The following ARHGAP12 variants were observed in gnomAD, a reference collection of about 807,000 sequenced individuals.
ARHGAP12 encodes the protein rho GTPase-activating protein 12.
Under a neutral mutation model 108.6 loss-of-function variants are expected in ARHGAP12, and 64 were observed. That is an observed-to-expected ratio of 0.59 (90% confidence interval 0.48 to 0.73). ARHGAP12 has a LOEUF of 0.73. Among genes scored for constraint, ARHGAP12 ranks in the 30% least tolerant of loss-of-function variants. The pLI is 0.00. For missense variants in ARHGAP12, 940 were observed against 1,005.9 expected, an observed-to-expected ratio of 0.93 and a Z score of 0.89; for synonymous variants, 312 against 337.2, an observed-to-expected ratio of 0.93 and a Z score of 0.82.
intron 4 of ARHGAP12, among the ~76,000 whole-genome samples, chr10:31,854,471 A>T (rs1836813241): frequency 6.6e-6 from 1 of 152,190 alleles, no homozygotes; most frequent in South Asian, 2.1e-4. Flanking sequence ...TTTCAGACCA[A>T]GGAGAGCTCG....
Position 31,820,382 on chromosome 10 carries a change from A to T in ARHGAP12, c.1632+5T>A. ...ATGTGTTATACTTAGAAAAAAATGT[A>T]TTACCTCAAATACATTCTTTTTGCT... On this transcript the variant is annotated splice_donor_5th_base_variant and intron_variant, in intron 12 of 19. Transcript: ENST00000344936. 6.3e-7 allele frequency: 1 copy of T among 1,596,094 alleles called. No individual in the cohort carries two copies. Among genetic ancestry groups the T allele is most frequent in the Non-Finnish European group, 8.5e-7 (1 of 1,171,768 alleles).
At chr10:31,842,581 T>TAC (rs1836309962) in intron 7 of ARHGAP12, among the ~76,000 whole-genome samples, 1 of 152,090 alleles carries the variant, frequency 6.6e-6, no homozygotes, top group Middle Eastern at 3.2e-3. Context: ...TAACTTGTAG[T>TAC]ACCAAAATAT....
intron 7 of ARHGAP12, among the ~76,000 whole-genome samples, chr10:31,840,967 C>T (rs965419849): frequency 6.6e-6 from 1 of 151,880 alleles, no homozygotes; most frequent in Non-Finnish European, 1.5e-5. Context: ...TTTTTGATTC[C>T]TAAGACTGTC....
intron 3 of ARHGAP12, among the ~76,000 whole-genome samples, chr10:31,875,410 T>TA (rs1026393501): frequency 3.3e-5 from 5 of 152,184 alleles, no homozygotes; most frequent in African/African-American, 1.2e-4. Context: ...ATGAAGTCAC[T>TA]AAGCTTAGAA....
intron 13 of ARHGAP12, among the ~76,000 whole-genome samples, chr10:31,817,553 C>T (rs1390852336): frequency 1.3e-5 from 2 of 152,092 alleles, no homozygotes; most frequent in Non-Finnish European, 2.9e-5. Flanking sequence ...CAGCCAATGC[C>T]TGATGTGAAC....
intron 3 of ARHGAP12, among the ~76,000 whole-genome samples, chr10:31,894,234 G>A (rs1399334667): frequency 6.6e-6 from 1 of 152,170 alleles, no homozygotes; most frequent in Non-Finnish European, 1.5e-5. Context: ...CATAGTGTTG[G>A]AAGTTCTAGC....
chr10:31,881,234 A>G (rs560834774), intron 3 of ARHGAP12, among the ~76,000 whole-genome samples: 1 of 152,292 alleles, frequency 6.6e-6, no homozygotes, highest in Non-Finnish European at 1.5e-5. Context: ...ACCATCAAAT[A>G]TAATATACAT....
intron 1 of ARHGAP12, among the ~76,000 whole-genome samples, chr10:31,925,366 G>C (rs2132510436): frequency 6.6e-6 from 1 of 152,270 alleles, no homozygotes; most frequent in East Asian, 1.9e-4. Context: ...TATTTTAAAA[G>C]AGTTTTAGAT....
intron 3 of ARHGAP12, among the ~76,000 whole-genome samples, chr10:31,880,482 A>C (rs915357018): frequency 1.2e-4 from 17 of 146,832 alleles, no homozygotes; most frequent in East Asian, 4.2e-4. Flanking sequence ...ACAAAAAAAA[A>C]CACTTTTGTT....
At chr10:31,825,311 A>T (rs1486721269) in intron 11 of ARHGAP12, among the ~76,000 whole-genome samples, 1 of 152,172 alleles carries the variant, frequency 6.6e-6, no homozygotes, top group African/African-American at 2.4e-5. Flanking sequence ...TTCATCAAAC[A>T]TAAGATCCAT....
chr10:31,908,112 C>A, intron 3 of ARHGAP12, 60 bp downstream of exon 3: 1 of 1,441,440 alleles, frequency 6.9e-7, no homozygotes, highest in Non-Finnish European at 9.3e-7. Flanking sequence ...TCAATTAAAA[C>A]TATAACTAAT....
At position 31,807,350 on chromosome 10, in the gene ARHGAP12, AAATTATCC is replaced by A; in HGVS notation, c.*300_*307del. On this transcript the variant is annotated 3_prime_UTR_variant, in exon 20 of 20. Transcript: ENST00000344936. The stretch of plus-strand genomic sequence containing the variant: ...GGAAAAAAAATACAGTTTTCTTACC[AAATTATCC>A]AGTGTATATGACTGGTTAGAATTTT... 1 of 211,116 alleles carries A rather than the reference AAATTATCC, an allele frequency of 4.7e-6. No individual in the cohort carries two copies. The highest frequency in any genetic ancestry group is 9.3e-6 in the Non-Finnish European group (1 of 107,062). 13.1% of individuals were successfully genotyped at this position (211,116 alleles called of 1,614,324 possible). A position where few individuals can be genotyped will look rare whatever the true frequency, so the allele number is the denominator to read the frequency against.
chr10:31,871,611 T>C (rs1478019248), intron 3 of ARHGAP12, among the ~76,000 whole-genome samples: 2 of 152,226 alleles, frequency 1.3e-5, no homozygotes, highest in South Asian at 2.1e-4. Context: ...GTCTGACAAA[T>C]GCTTGTTTCT....
intron 1 of ARHGAP12, among the ~76,000 whole-genome samples, chr10:31,917,867 AAAG>A (rs1223940579): frequency 1.3e-5 from 2 of 152,238 alleles, no homozygotes; most frequent in Non-Finnish European, 2.9e-5. Context: ...ACATTTTTCA[AAAG>A]AAGATACAGA....
At position 31,908,393 on chromosome 10, in the gene ARHGAP12, T is replaced by C. The variant is rs757482609; in HGVS notation, c.463A>G (p.Asn155Asp). 27 of 1,614,084 alleles carry C rather than the reference T, an allele frequency of 1.7e-5. No individual in the cohort carries two copies. Among genetic ancestry groups the C allele is most frequent in the Non-Finnish European group, 2.1e-5 (25 of 1,180,030 alleles). The change falls in exon 3 of 20, where the codon AAT becomes GAT. Residue 155 changes from asparagine (N) to aspartate (D), a missense_variant. Asn to Asp is a conservative substitution (Grantham distance 23, BLOSUM62 1). Transcript: ENST00000344936. The stretch of plus-strand genomic sequence containing the variant: ...GAGTCATTGTTAAACTTTCCGTTAT[T>C]ATGGGTCAGGTCCAGGCTTAGGTTG... ...TVNLSLDLTH[N>D]NGKFNNDSHS...
chr10:31,872,937 A>C (rs913637691), intron 3 of ARHGAP12, among the ~76,000 whole-genome samples: 1 of 152,104 alleles, frequency 6.6e-6, no homozygotes, highest in African/African-American at 2.4e-5. Flanking sequence ...TTCTGAGATA[A>C]CCCGTTCCCA....
chr10:31,923,839 T>C (rs894477129), intron 1 of ARHGAP12, among the ~76,000 whole-genome samples: 2 of 152,178 alleles, frequency 1.3e-5, no homozygotes, highest in Non-Finnish European at 2.9e-5. Context: ...GTGAAAGAAA[T>C]GTTCATTATC....
intron 3 of ARHGAP12, among the ~76,000 whole-genome samples, chr10:31,864,950 C>A (rs974886403): frequency 3.3e-5 from 5 of 152,110 alleles, no homozygotes; most frequent in African/African-American, 1.2e-4. Context: ...AAACAAGTGA[C>A]TAAGCCTTAG....
At chr10:31,821,067 CTGAT>C (rs1835399658) in intron 11 of ARHGAP12, among the ~76,000 whole-genome samples, 1 of 152,002 alleles carries the variant, frequency 6.6e-6, no homozygotes, top group African/African-American at 2.4e-5. Flanking sequence ...TTCTCTAAAC[CTGAT>C]TTTGTGCTTT....
Sources: gnomAD v4.1 joint callset for allele counts (sites outside exome capture counted in the v4.1 genomes callset) on GRCh38, gnomAD v4.1.1 for gene constraint, MANE v1.5 for transcripts, NCBI Gene and HGNC (gene_info 2026-07-23, HGNC 2026-07-21) for gene names.